The following STAU1 variants were observed in gnomAD, a reference collection of about 807,000 sequenced individuals.
STAU1 encodes staufen double-stranded RNA binding protein 1.
A neutral mutation model predicts 62.9 loss-of-function variants in STAU1; 13 were observed. That is an observed-to-expected ratio of 0.21 (90% confidence interval 0.13 to 0.33). The LOEUF is 0.33. STAU1 is among the 10% of genes least tolerant of loss of function. STAU1 has a pLI of 1.00. For missense variants in STAU1, 571 were observed against 712.1 expected (o/e 0.80, Z 2.25); for synonymous variants, 269 against 265.1 (o/e 1.01, Z -0.14).
rs531663193 is a variant in STAU1, at chr20:49,117,379, T to G, written c.1510-131A>C. Reference sequence around the variant, plus strand: ...CAACTCAGCCCCACTGTGGCCATACTAACACCTGCCCTGTCAGCCCAGAAC... The same window carrying G: ...CAACTCAGCCCCACTGTGGCCATACGAACACCTGCCCTGTCAGCCCAGAAC... On this transcript the variant is annotated intron_variant, in intron 11 of 13. Transcript: ENST00000371856. This position sits in a 1 kb window ranked among gnomAD's most constrained non-coding sequence, Gnocchi z 4.6. 1.6e-4 allele frequency: 180 copies of G among 1,143,744 alleles called. 2 individuals carry two copies. In the East Asian group the frequency reaches 3.9e-3, roughly 25 times the overall value. 70.8% of individuals were successfully genotyped at this position (1,143,744 alleles called of 1,614,324 possible).
At chr20:49,211,495 C>T in the STAU1 span, among the ~76,000 whole-genome samples, 5 of 151,784 alleles carry the variant, frequency 3.3e-5, no homozygotes, top group African/African-American at 1.2e-4. Flanking sequence ...GATCCTCCTG[C>T]CTCAGCCTCC....
At chr20:49,191,943 C>T (rs1250536214), upstream of STAU1, among the ~76,000 whole-genome samples, 2 of 151,680 alleles carry the variant, frequency 1.3e-5, no homozygotes. Flanking sequence ...CCCAGGTACT[C>T]GGGCATGTGA....
the STAU1 span, among the ~76,000 whole-genome samples, chr20:49,211,631 C>A: frequency 6.6e-6 from 1 of 152,126 alleles, no homozygotes; most frequent in African/African-American, 2.4e-5. Flanking sequence ...TCTCGGCCTC[C>A]TGAGTAGCTG....
At chr20:49,171,379 C>G (rs2093594664) in intron 2 of STAU1, among the ~76,000 whole-genome samples, 1 of 152,234 alleles carries the variant, frequency 6.6e-6, no homozygotes, top group Non-Finnish European at 1.5e-5. Context: ...ACTGCAAGTT[C>G]CGCCTGCCAG....
chr20:49,212,989 C>T, the STAU1 span, among the ~76,000 whole-genome samples: 1 of 149,578 alleles, frequency 6.7e-6, no homozygotes. Context: ...ATTTCTCAAA[C>T]TTTTTTATTT....
At position 49,145,840 on chromosome 20, in the gene STAU1, T is replaced by C. The variant is rs193211040; in HGVS notation, c.510+5742A>G. On this transcript the variant is annotated intron_variant, in intron 5 of 13. Transcript: ENST00000371856. ...CCAGGACTTCAAGGCCACAGGGTACTATGATCATGTCTGTGTACAGCCACT... is the reference window on the plus strand; with the variant it reads ...CCAGGACTTCAAGGCCACAGGGTACCATGATCATGTCTGTGTACAGCCACT... Among the ~76,000 whole-genome samples, 4 of 152,172 alleles carry C rather than the reference T, an allele frequency of 2.6e-5. No individual in the cohort carries two copies. In the East Asian group the frequency reaches 5.8e-4, roughly 22 times the overall value.
Position 49,151,730 on chromosome 20 carries a change from G to C in STAU1, c.362C>G (p.Pro121Arg). The C allele has an allele frequency of 6.2e-7, 1 of 1,609,378 alleles. No individual in the cohort carries two copies. The highest frequency in any genetic ancestry group is 8.5e-7 in the Non-Finnish European group (1 of 1,178,634). ...CACTTGATAAAGTAAAGGTGGAACT[G>C]GAAATGGGTAAAAGTACCTAGAAAT... is the stretch of plus-strand genomic sequence containing the variant. The part of the protein sequence containing the change: ...AYPPRYFYPF[P>R]VPPLLYQVEL... The change falls in exon 5 of 14, where the codon CCA becomes CGA. Residue 121 changes from proline (P) to arginine (R), a missense_variant. Coordinates refer to ENST00000371856, the MANE Select transcript of STAU1 (RefSeq NM_017453.4).
At chr20:49,135,082 C>T in intron 6 of STAU1, 1 of 1,082,248 alleles carries the variant, frequency 9.2e-7, no homozygotes, top group Non-Finnish European at 1.4e-6. Context: ...TGTACACAAT[C>T]TTTTGCCTTT....
At chr20:49,175,387 C>T (rs2093646606) in intron 1 of STAU1, among the ~76,000 whole-genome samples, 1 of 151,800 alleles carries the variant, frequency 6.6e-6, no homozygotes, top group South Asian at 2.1e-4. Flanking sequence ...TTTGCAGAGA[C>T]ACATTTATAA....
Position 49,154,017 on chromosome 20 carries a change from T to C in STAU1, c.260A>G (p.Lys87Arg). 1 of 1,613,776 alleles carries C rather than the reference T, an allele frequency of 6.2e-7. No individual in the cohort carries two copies. Among genetic ancestry groups the C allele is most frequent in the South Asian group, 1.1e-5 (1 of 90,950 alleles). The part of the protein sequence containing the change: ...LNALCMKLGK[K>R]PMYKPVDPYS... ...AGGGTCAACAGGCTTATACATTGGT[T>C]TTTTTCCAAGTTTCATGCACAGTGC... The change falls in exon 4 of 14, where the codon AAA (lysine) becomes AGA (arginine). Residue 87 changes from lysine to arginine, a missense_variant. By Grantham distance (26) the Lys-to-Arg change is conservative. Transcript: ENST00000371856.
At chr20:49,188,803 T>G (rs1313773474), upstream of STAU1, among the ~76,000 whole-genome samples, 1 of 152,254 alleles carries the variant, frequency 6.6e-6, no homozygotes, top group Non-Finnish European at 1.5e-5. Context: ...CTCCAAGAGC[T>G]AAGAATGTAG....
In STAU1 at chr20:49,166,010, G is replaced by A; in HGVS notation, c.192C>T (p.Thr64=). The A allele has an allele frequency of 1.9e-6, 3 of 1,614,120 alleles. No homozygotes were observed. Among genetic ancestry groups the A allele is most frequent in the South Asian group, 2.2e-5 (2 of 91,084 alleles). The change falls in exon 3 of 14, where the codon ACC becomes ACT. Residue 64 remains threonine (T), a synonymous_variant. Coordinates refer to ENST00000371856, the MANE Select transcript of STAU1 (RefSeq NM_017453.4). Reference sequence around the variant, plus strand: ...TCATATGCTTACCTGCAGCTGCACTGGTGGATGTAATAGATGCAGAGGGTA... The same window carrying A: ...TCATATGCTTACCTGCAGCTGCACTAGTGGATGTAATAGATGCAGAGGGTA... ...SALPSASITS[T]SAAAESITPT... is the part of the protein sequence containing the mutation.
chr20:49,118,969 G>C (rs2092399790), intron 9 of STAU1, among the ~76,000 whole-genome samples: 1 of 152,190 alleles, frequency 6.6e-6, no homozygotes. Context: ...CTAAAGCCAA[G>C]TCTAAGATCT....
At chr20:49,135,359 T>C (rs368760445) in intron 6 of STAU1, among the ~76,000 whole-genome samples, 1 of 152,268 alleles carries the variant, frequency 6.6e-6, no homozygotes, top group Admixed American at 6.5e-5. Context: ...TCATTGATTA[T>C]TGTTTTTAGA....
chr20:49,178,954 A>C (rs2093692317), intron 1 of STAU1, among the ~76,000 whole-genome samples: 1 of 138,376 alleles, frequency 7.2e-6, no homozygotes. Flanking sequence ...GGTGGCGGGC[A>C]CCTGTAGTCC....
chr20:49,181,766 C>CAA (rs758956478), intron 1 of STAU1, among the ~76,000 whole-genome samples: 18 of 24,554 alleles, frequency 7.3e-4, no homozygotes, highest in Non-Finnish European at 1.1e-3. Context: ...ACTATCTCAA[C>CAA]AAAAAAAAAA....
At chr20:49,210,359 T>A in the STAU1 span, 1 of 451,938 alleles carries the variant, frequency 2.2e-6, no homozygotes, top group Non-Finnish European at 4.4e-6. Flanking sequence ...AGGTTAGAAA[T>A]CATTGTCCTT....
chr20:49,143,005 T>C (rs945362352), intron 5 of STAU1, among the ~76,000 whole-genome samples: 1 of 152,060 alleles, frequency 6.6e-6, no homozygotes, highest in Non-Finnish European at 1.5e-5. Context: ...CTCTCCATCT[T>C]GTCCAGGATG....
At chr20:49,129,271 T>C (rs928375637) in intron 6 of STAU1, among the ~76,000 whole-genome samples, 1 of 131,216 alleles carries the variant, frequency 7.6e-6, no homozygotes, top group Admixed American at 8.6e-5. Flanking sequence ...AGAATGACTT[T>C]AAAAAAAAAT....
Sources: allele counts gnomAD v4.1 joint callset (sites outside exome capture counted in the v4.1 genomes callset), GRCh38; gene constraint gnomAD v4.1.1; non-coding constraint Gnocchi (gnomAD v3.1); transcripts MANE v1.5; gene names NCBI Gene and HGNC (gene_info 2026-07-23, HGNC 2026-07-21).